Variants in SORCS3 observed in about 807,000 individuals in gnomAD.
SORCS3 encodes VPS10 domain-containing receptor SorCS3.
In SORCS3, 57 loss-of-function variants were observed where a neutral mutation model predicts 146.3. The observed-to-expected ratio is 0.39, with a 90% confidence interval of 0.31 to 0.49. SORCS3 has a LOEUF of 0.49. Ranked by LOEUF, SORCS3 falls within the 20% of genes least tolerant of loss-of-function variation. SORCS3 has a pLI of 0.92. For missense variants in SORCS3, 1,341 were observed against 1,575.5 expected (o/e 0.85, Z 2.52); for synonymous variants, 653 against 618.5 (o/e 1.06, Z -0.83).
At chr10:105,044,442 C>T (rs577085091) in intron 5 of SORCS3, among the ~76,000 whole-genome samples, 17 of 152,064 alleles carry the variant, frequency 1.1e-4, no homozygotes, top group Non-Finnish European at 1.6e-4. Flanking sequence ...GTACTCATTC[C>T]GTATCTCTTA....
At chr10:104,807,573 T>G (rs1213701521) in intron 1 of SORCS3, among the ~76,000 whole-genome samples, 1 of 152,218 alleles carries the variant, frequency 6.6e-6, no homozygotes, top group Non-Finnish European at 1.5e-5. Flanking sequence ...CTAAGAATCC[T>G]ACGTTTAGAG....
intron 3 of SORCS3, among the ~76,000 whole-genome samples, chr10:104,919,594 C>T (rs1452007512): frequency 1.3e-5 from 2 of 151,972 alleles, no homozygotes; most frequent in South Asian, 4.2e-4. Context: ...GAGGCTGAGG[C>T]AGGAGAATCG....
intron 7 of SORCS3, among the ~76,000 whole-genome samples, chr10:105,127,444 T>C (rs1249044230): frequency 6.6e-6 from 1 of 152,096 alleles, no homozygotes; most frequent in African/African-American, 2.4e-5. Context: ...AAGTCTTACC[T>C]TTTAGTACCA....
chr10:104,791,356 T>C (rs970065137), intron 1 of SORCS3, among the ~76,000 whole-genome samples: 6 of 152,204 alleles, frequency 3.9e-5, no homozygotes, highest in African/African-American at 1.4e-4. Flanking sequence ...ACAAACAGCC[T>C]TTCCTTTTCC....
chr10:105,185,965 A>C lies in SORCS3; in HGVS notation c.2009+7792A>C, dbSNP rs371600825. Among the ~76,000 whole-genome samples the C allele has an allele frequency of 3.9e-5, 6 of 152,136 alleles. No homozygotes were observed. The East Asian group carries it at 1.2e-3, about 29-fold the overall frequency. On this transcript the variant is annotated intron_variant, in intron 14 of 26. Transcript: ENST00000369701. ...GGGGTCATATCCATCTGGTCCAGGC[A>C]CTTTTCGTGCTATATGGCATGTTGT...
chr10:105,111,151 A>T (rs948773303), intron 7 of SORCS3, among the ~76,000 whole-genome samples: 4 of 152,090 alleles, frequency 2.6e-5, no homozygotes, highest in Non-Finnish European at 5.9e-5. Context: ...GCCATTTCTT[A>T]CTGTATATGC....
intron 8 of SORCS3, among the ~76,000 whole-genome samples, chr10:105,141,411 G>A (rs2056094626): frequency 6.6e-6 from 1 of 152,166 alleles, no homozygotes; most frequent in African/African-American, 2.4e-5. Context: ...GGACAGAGAG[G>A]GTGGAGGGAG....
intron 1 of SORCS3, among the ~76,000 whole-genome samples, chr10:104,663,889 C>T (rs2015733880): frequency 6.6e-6 from 1 of 152,142 alleles, no homozygotes; most frequent in African/African-American, 2.4e-5. Flanking sequence ...CCCCATCCTT[C>T]TCGCCTTCCC....
In SORCS3 at chr10:104,979,877, G is replaced by T. The variant is rs1414849924; in HGVS notation, c.954+2384G>T. ...GTAAATTATTCAGATGTCATTAAAT[G>T]GTTGGATGGTAATTTATTTATAAGA... On this transcript the variant is annotated intron_variant, in intron 4 of 26. Transcript: ENST00000369701. 2.6e-5 allele frequency among the ~76,000 whole-genome samples: 4 copies of T among 152,152 alleles called. 1 individual carries two copies. The highest frequency in any genetic ancestry group is 1.3e-4 in the Admixed American group (2 of 15,266).
chr10:105,162,954 C>T (rs1015870445), intron 11 of SORCS3, among the ~76,000 whole-genome samples: 8 of 152,236 alleles, frequency 5.3e-5, no homozygotes, highest in Admixed American at 1.3e-4. Flanking sequence ...AACCACTAAG[C>T]GACTCGAGTT....
rs554039333 is a variant in SORCS3 at position 105,105,545 on chromosome 10, G to A, written c.1212+30G>A. Reference sequence around the variant, plus strand: ...GTACAGAAAGTGCAGTTGGTGGTAGGAGGATGCATCGTTGAAGTTGGCTGC... The same window carrying A: ...GTACAGAAAGTGCAGTTGGTGGTAGAAGGATGCATCGTTGAAGTTGGCTGC... On this transcript the variant is annotated intron_variant, in intron 7 of 26. Coordinates refer to ENST00000369701, the MANE Select transcript of SORCS3 (RefSeq NM_014978.3). 1,028 of 1,496,418 alleles carry A rather than the reference G, an allele frequency of 6.9e-4. 20 individuals are homozygous for A. In the South Asian group the frequency reaches 0.011, roughly 16 times the overall value. The allele number at this position is 1,496,418 out of a possible 1,614,324, so 92.7% of individuals were successfully genotyped here. A position where few individuals can be genotyped will look rare whatever the true frequency, so the allele number is the denominator to read the frequency against.
chr10:105,116,908 G>C (rs751015754), intron 7 of SORCS3, among the ~76,000 whole-genome samples: 4 of 152,140 alleles, frequency 2.6e-5, no homozygotes, highest in Non-Finnish European at 5.9e-5. Context: ...GGAGGAGGAA[G>C]AGGAGCAGAA....
intron 1 of SORCS3, 68 bp downstream of exon 1, chr10:104,642,022 G>GGGGGGGGGTGCA: frequency 5.8e-6 from 1 of 173,336 alleles, no homozygotes; most frequent in Non-Finnish European, 1.1e-5. Context: ...GGGTGGGTGG[G>GGGGGGGGGTGCA]AGCGAGGGAC....
intron 6 of SORCS3, among the ~76,000 whole-genome samples, chr10:105,098,597 G>A (rs1028357964): frequency 4.6e-5 from 7 of 152,124 alleles, no homozygotes; most frequent in African/African-American, 1.7e-4. Context: ...TGGAACTTAG[G>A]CAAATTACTT....
At chr10:104,765,534 G>A (rs1178128104) in intron 1 of SORCS3, among the ~76,000 whole-genome samples, 1 of 152,168 alleles carries the variant, frequency 6.6e-6, no homozygotes, top group Non-Finnish European at 1.5e-5. Context: ...TACACAGCAG[G>A]TATTCAGTCA....
chr10:105,224,880 A>G (rs1468580930), intron 20 of SORCS3, among the ~76,000 whole-genome samples: 1 of 152,090 alleles, frequency 6.6e-6, no homozygotes, highest in Non-Finnish European at 1.5e-5. Context: ...CCAACTATAT[A>G]ACATCTTTGG....
At chr10:105,257,587 C>G (rs2056938921) in intron 25 of SORCS3, among the ~76,000 whole-genome samples, 1 of 152,132 alleles carries the variant, frequency 6.6e-6, no homozygotes, top group African/African-American at 2.4e-5. Context: ...ATAACTTCTA[C>G]TAGGATGTAT....
At chr10:104,791,551 G>A (rs1353754284) in intron 1 of SORCS3, among the ~76,000 whole-genome samples, 2 of 152,204 alleles carry the variant, frequency 1.3e-5, no homozygotes, top group African/African-American at 2.4e-5. Flanking sequence ...GATGAGTGGA[G>A]TGTAAACTTA....
chr10:105,214,714 T>C, intron 18 of SORCS3, 101 bp downstream of exon 18: 1 of 1,153,000 alleles, frequency 8.7e-7, no homozygotes, highest in Non-Finnish European at 1.2e-6. Context: ...TGCACCAAAG[T>C]CAATGGTGAG....
Sources: allele counts gnomAD v4.1 joint callset (sites outside exome capture counted in the v4.1 genomes callset), GRCh38; gene constraint gnomAD v4.1.1; transcripts MANE v1.5; gene names NCBI Gene and HGNC (gene_info 2026-07-23, HGNC 2026-07-21).